NCOR1: variants seen among roughly 807,000 people sequenced by gnomAD.
NCOR1 encodes the protein protein phosphatase 1, regulatory subunit 109.
Under a neutral mutation model 288.1 loss-of-function variants are expected in NCOR1, and 63 were observed. The ratio of observed to expected loss-of-function variants is 0.22; its 90% CI spans 0.18 to 0.27. The LOEUF (loss-of-function observed/expected upper bound fraction) is 0.27, where lower values mean the gene tolerates loss of function less well. Among genes scored for constraint, NCOR1 ranks in the 10% least tolerant of loss-of-function variants. The pLI is 1.00. For missense variants in NCOR1, 2,397 were observed against 3,019.2 expected, an observed-to-expected ratio of 0.79 and a Z score of 4.83; for synonymous variants, 1,007 against 1,065.9, an observed-to-expected ratio of 0.94 and a Z score of 1.08.
intron 2 of NCOR1, among the ~76,000 whole-genome samples, chr17:16,190,258 C>G (rs2087854805): frequency 6.6e-6 from 1 of 152,094 alleles, no homozygotes; most frequent in Non-Finnish European, 1.5e-5. Context: ...AAAAATAAAC[C>G]ATCACTGAAG....
intron 4 of NCOR1, among the ~76,000 whole-genome samples, chr17:16,170,840 CAAA>C (rs556473992): frequency 6.8e-5 from 5 of 73,972 alleles, no homozygotes; most frequent in Admixed American, 1.6e-4. Flanking sequence ...GACTCCATCT[CAAA>C]AAAAAAAAAA....
Position 16,114,158 on chromosome 17 carries a change from A to AC in NCOR1, c.2055+3729_2055+3730insG, listed in dbSNP as rs1568108223. Among the ~76,000 whole-genome samples the AC allele has an allele frequency of 1.1e-3, 161 of 149,874 alleles. 18 individuals carry two copies. Among genetic ancestry groups the AC allele is most frequent in the Middle Eastern group, 3.5e-3 (1 of 288 alleles). The stretch of plus-strand genomic sequence containing the variant: ...TGGCGGCAGGCAAAAAAAAAAAAAA[A>AC]AAAAAAAAAAACTTGTGCAGGGGAA... On this transcript the variant is annotated intron_variant, in intron 18 of 45. Transcript: ENST00000268712.
intron 2 of NCOR1, among the ~76,000 whole-genome samples, chr17:16,187,081 TAC>T (rs2086809552): frequency 6.6e-6 from 1 of 152,126 alleles, no homozygotes; most frequent in South Asian, 2.1e-4. Flanking sequence ...CATCCACACT[TAC>T]AATGAAGAAA....
intron 44 of NCOR1, among the ~76,000 whole-genome samples, chr17:16,035,916 G>A (rs1019777203): frequency 6.6e-6 from 1 of 152,062 alleles, no homozygotes; most frequent in Non-Finnish European, 1.5e-5. Flanking sequence ...TTATCCATGG[G>A]AGCTGGAATC....
chr17:16,163,870 C>T (rs2081410962), intron 5 of NCOR1, among the ~76,000 whole-genome samples: 1 of 152,128 alleles, frequency 6.6e-6, no homozygotes, highest in Admixed American at 6.5e-5. Flanking sequence ...ATCAGGACAA[C>T]ATGCTAAATA....
chr17:16,103,457 A>C (rs1290895766), intron 19 of NCOR1, among the ~76,000 whole-genome samples: 1 of 152,210 alleles, frequency 6.6e-6, no homozygotes, highest in African/African-American at 2.4e-5. Context: ...TCACTCTCAT[A>C]ACTTTTCAGT....
At chr17:16,198,180 A>T (rs1447799570) in intron 1 of NCOR1, 1 of 151,120 alleles carries the variant, frequency 6.6e-6, no homozygotes, top group African/African-American at 2.4e-5. Flanking sequence ...ACACGGTGAA[A>T]CCCCATCTCT....
intron 3 of NCOR1, among the ~76,000 whole-genome samples, chr17:16,186,043 T>C (rs1254503435): frequency 6.6e-6 from 1 of 152,160 alleles, no homozygotes; most frequent in Non-Finnish European, 1.5e-5. Flanking sequence ...ACCATGCATG[T>C]ACAGGACCTA....
intron 4 of NCOR1, among the ~76,000 whole-genome samples, chr17:16,169,099 C>A (rs2082619336): frequency 6.6e-6 from 1 of 151,920 alleles, no homozygotes; most frequent in African/African-American, 2.4e-5. Context: ...ACTAAGTAGC[C>A]ACTAACAATA....
Position 16,065,529 on chromosome 17 carries a change from G to A in NCOR1, c.4907C>T (p.Ser1636Phe). 6.2e-7 allele frequency: 1 copy of A among 1,614,184 alleles called. No individual in the cohort carries two copies. The highest frequency in any genetic ancestry group is 8.5e-7 in the Non-Finnish European group (1 of 1,180,030). ...NLRPDVARGL[S>F]PREQPLGLPY... ...GAGACCCAGTGGCTGCTCTCTTGGG[G>A]AGAGTCCTCTGGCCACATCTGGACG... is the stretch of plus-strand genomic sequence containing the variant. Residue 1636 changes from serine (S) to phenylalanine (F), a missense_variant, in exon 33 of 46, where the codon TCC (serine) becomes TTC (phenylalanine). Around this residue, in one of 11 missense-constraint regions of NCOR1, gnomAD observed 1,872 missense variants for 2,187.8 expected, o/e 0.86. Transcript: ENST00000268712.
chr17:16,065,096 T>A, intron 33 of NCOR1, 77 bp from the exon 34 acceptor site: 1 of 1,354,242 alleles, frequency 7.4e-7, no homozygotes, highest in Non-Finnish European at 1.0e-6. Flanking sequence ...GGATTTTGTC[T>A]ATCTCTGTGA....
At chr17:16,213,525 G>A (rs1044449991) in intron 1 of NCOR1, among the ~76,000 whole-genome samples, 10 of 142,210 alleles carry the variant, frequency 7.0e-5, no homozygotes, top group African/African-American at 2.3e-4. Flanking sequence ...AATCAGCGAA[G>A]GGCCTATCCT....
At chr17:16,137,645 G>T in intron 13 of NCOR1, 1 of 308,136 alleles carries the variant, frequency 3.2e-6, no homozygotes, top group Non-Finnish European at 5.8e-6. Flanking sequence ...AAGATGCCAG[G>T]AACTATCAGA....
At chr17:16,084,992 A>G (rs2063985267) in intron 23 of NCOR1, among the ~76,000 whole-genome samples, 1 of 152,250 alleles carries the variant, frequency 6.6e-6, no homozygotes, top group Non-Finnish European at 1.5e-5. Context: ...TCATCAAAAT[A>G]CCAGTAAGAA....
At chr17:16,112,405 C>T (rs1310474656) in intron 18 of NCOR1, among the ~76,000 whole-genome samples, 21 of 152,184 alleles carry the variant, frequency 1.4e-4, no homozygotes, top group Admixed American at 1.4e-3. Context: ...AAATTCAAAT[C>T]TTATTAGCTT....
At chr17:16,070,837 C>T (rs1286310315) in intron 30 of NCOR1, among the ~76,000 whole-genome samples, 1 of 152,074 alleles carries the variant, frequency 6.6e-6, no homozygotes, top group Non-Finnish European at 1.5e-5. Flanking sequence ...CGAAACCAGC[C>T]TGACCAACAT....
intron 40 of NCOR1, among the ~76,000 whole-genome samples, chr17:16,050,625 T>C (rs2059198043): frequency 1.3e-5 from 2 of 152,226 alleles, no homozygotes; most frequent in South Asian, 4.1e-4. Flanking sequence ...TATAATATGA[T>C]TTGTTATGGC....
At chr17:16,068,715 A>ATTTT (rs11438641) in intron 31 of NCOR1, among the ~76,000 whole-genome samples, 2 of 135,262 alleles carry the variant, frequency 1.5e-5, no homozygotes, top group Non-Finnish European at 1.6e-5. Context: ...ATCATCCTCA[A>ATTTT]TTTTTTTTTT....
At chr17:16,068,636 CTTAAATGATGT>C in intron 31 of NCOR1, among the ~76,000 whole-genome samples, 1 of 151,910 alleles carries the variant, frequency 6.6e-6, no homozygotes, top group South Asian at 2.1e-4. Context: ...CCTCTCTTCT[CTTAAATGATGT>C]TATTCAGGAT....
Sources: gnomAD v4.1 joint callset for allele counts (sites outside exome capture counted in the v4.1 genomes callset) on GRCh38, gnomAD v4.1.1 for gene constraint, gnomAD v4.1.1 regional missense constraint, MANE v1.5 for transcripts, NCBI Gene and HGNC (gene_info 2026-07-23, HGNC 2026-07-21) for gene names.